STX19: variants seen among roughly 807,000 people sequenced by gnomAD.
The protein encoded by STX19 is syntaxin-19.
Under a neutral mutation model 24.3 loss-of-function variants are expected in STX19, and 26 were observed. The ratio of observed to expected loss-of-function variants is 1.07; its 90% CI spans 0.78 to 1.48. The LOEUF is 1.48. Ranked by LOEUF, STX19 falls within the 40% of genes most tolerant of loss-of-function variation. STX19 has a pLI of 0.00. For missense variants in STX19, 367 were observed against 331.9 expected, an observed-to-expected ratio of 1.11 and a Z score of -0.82; for synonymous variants, 116 against 106.9, an observed-to-expected ratio of 1.09 and a Z score of -0.52.
chr3:94,016,420 G>A (rs2076334480), intron 1 of STX19, among the ~76,000 whole-genome samples: 1 of 151,360 alleles, frequency 6.6e-6, no homozygotes, highest in Non-Finnish European at 1.5e-5. Context: ...TGTGTAGATG[G>A]TGTAAAATTT....
At chr3:94,016,690 C>T (rs573914004) in intron 1 of STX19, among the ~76,000 whole-genome samples, 32 of 151,106 alleles carry the variant, frequency 2.1e-4, no homozygotes, top group African/African-American at 7.3e-4. Flanking sequence ...TCTGATGCCC[C>T]GGCTGGCATG....
Position 94,027,939 on chromosome 3 carries a change from T to G in STX19, c.-14+428A>C, listed in dbSNP as rs142502579. ...ACCATTATAGCAAATTATTTCAGATTTTTAAGGTTATACGTATGTGTCAAA... is the reference window on the plus strand; with the variant it reads ...ACCATTATAGCAAATTATTTCAGATGTTTAAGGTTATACGTATGTGTCAAA... On this transcript the variant is annotated intron_variant, in intron 1 of 1. Coordinates refer to ENST00000315099, the MANE Select transcript of STX19 (RefSeq NM_001001850.3). Among the ~76,000 whole-genome samples the G allele has an allele frequency of 3.3e-5, 5 of 152,252 alleles. No individual in the cohort carries two copies. In the East Asian group the frequency reaches 7.7e-4, roughly 23 times the overall value.
At chr3:94,021,049 A>G (rs1274118571) in intron 1 of STX19, among the ~76,000 whole-genome samples, 2 of 152,160 alleles carry the variant, frequency 1.3e-5, no homozygotes, top group Admixed American at 1.3e-4. Context: ...GAAAAAAATG[A>G]GCTATGAATG....
At position 94,014,968 on chromosome 3, in the gene STX19, T is replaced by G; in HGVS notation, c.302A>C (p.Gln101Pro). ...ESTITKEIKI[Q>P]AEYINRSLND... is the part of the protein sequence containing the mutation. ...CAAACTTCTGTTGATGTATTCTGCCTGAATTTTTATCTCCTTTGTAATGGT... is the reference window on the plus strand; with the variant it reads ...CAAACTTCTGTTGATGTATTCTGCCGGAATTTTTATCTCCTTTGTAATGGT... Residue 101 changes from glutamine to proline, a missense_variant, in exon 2 of 2, where the codon CAG becomes CCG. Transcript: ENST00000315099. 6.2e-7 allele frequency: 1 copy of G among 1,614,044 alleles called. No homozygotes were observed. The highest frequency in any genetic ancestry group is 1.1e-5 in the South Asian group (1 of 91,058).
chr3:94,017,081 C>T (rs574449606), intron 1 of STX19, among the ~76,000 whole-genome samples: 84 of 152,308 alleles, frequency 5.5e-4, no homozygotes, highest in African/African-American at 1.8e-3. Context: ...ACTCAATAAA[C>T]TTCTGAGCAT....
chr3:94,014,393 A>G lies in STX19; in HGVS notation c.877T>C (p.Ser293Pro). 1.3e-6 allele frequency: 2 copies of G among 1,525,318 alleles called. No homozygotes were observed. The highest frequency in any genetic ancestry group is 1.4e-5 in the South Asian group (1 of 73,986). 94.5% of individuals were successfully genotyped at this position (1,525,318 alleles called of 1,614,324 possible). ...LCCWCCPCCS[S>P]K ...GTTTTAAAATAGCTTCTTTATTTTG[A>G]GCTACAGCATGGACAGCACCAACAA... The change falls in exon 2 of 2, where the codon TCA (serine) becomes CCA (proline). Residue 293 changes from serine (S) to proline (P), a missense_variant. By Grantham distance (74) the Ser-to-Pro change is moderately conservative. Coordinates refer to ENST00000315099, the MANE Select transcript of STX19 (RefSeq NM_001001850.3).
At chr3:94,025,052 A>G (rs1426723288) in intron 1 of STX19, among the ~76,000 whole-genome samples, 2 of 152,096 alleles carry the variant, frequency 1.3e-5, no homozygotes, top group Non-Finnish European at 2.9e-5. Context: ...GAGAAGGTGC[A>G]TTTTACTGCC....
At position 94,014,434 on chromosome 3, in the gene STX19, G is replaced by A. The variant is rs767907622; in HGVS notation, c.836C>T (p.Pro279Leu). 1.3e-6 allele frequency: 2 copies of A among 1,590,460 alleles called. No homozygotes were observed. The highest frequency in any genetic ancestry group is 1.4e-5 in the African/African-American group (1 of 73,544). The change falls in exon 2 of 2, where the codon CCT becomes CTT. Residue 279 changes from proline (P) to leucine (L), a missense_variant. Physicochemically the swap from Pro to Leu is moderately conservative, Grantham distance 98. Coordinates refer to ENST00000315099, the MANE Select transcript of STX19 (RefSeq NM_001001850.3). ...GLAVKYKKRN[P>L]CRVLCCWCCP... ...GCACCAACAACACAGTACTCTGCAAGGATTTCTTTTTTTGTATTTTACAGC... is the reference window on the plus strand; with the variant it reads ...GCACCAACAACACAGTACTCTGCAAAGATTTCTTTTTTTGTATTTTACAGC...
At chr3:94,023,450 G>T (rs890357674) in intron 1 of STX19, among the ~76,000 whole-genome samples, 11 of 150,106 alleles carry the variant, frequency 7.3e-5, no homozygotes, top group Non-Finnish European at 1.6e-4. Context: ...ACATATAGTT[G>T]GTCTTTTCAA....
At position 94,028,530 on chromosome 3, in the gene STX19, G is replaced by A. The variant is rs2076603826; in HGVS notation, c.-177C>T. On this transcript the variant is annotated 5_prime_UTR_variant, in exon 1 of 2. Coordinates refer to ENST00000315099, the MANE Select transcript of STX19 (RefSeq NM_001001850.3). ...TAGTTTTCATGTTGTTAATTTGAAA[G>A]CCAAATAATGAAGTCAAATAAGAGA... The A allele has an allele frequency of 6.6e-6, 1 of 152,206 alleles. No homozygotes were observed. Among genetic ancestry groups the A allele is most frequent in the African/African-American group, 2.4e-5 (1 of 41,456 alleles). The allele number at this position is 152,206 out of a possible 1,614,324, so 9.4% of individuals were successfully genotyped here.
Position 94,014,860 on chromosome 3 carries a change from T to C in STX19, c.410A>G (p.His137Arg). The C allele has an allele frequency of 6.2e-7, 1 of 1,614,082 alleles. No individual in the cohort carries two copies. The highest frequency in any genetic ancestry group is 8.5e-7 in the Non-Finnish European group (1 of 1,179,976). The change falls in exon 2 of 2, where the codon CAT (histidine) becomes CGT (arginine). Residue 137 changes from histidine (H) to arginine (R), a missense_variant. His to Arg is a conservative substitution (Grantham distance 29). Transcript: ENST00000315099. ...SVVTRILKSQHAAMFRHFQQI... is the reference protein window; with the variant it reads ...SVVTRILKSQRAAMFRHFQQI... ...CTGAAAATGGCGGAACATTGCAGCA[T>C]GCTGAGATTTAAGTATCCTTGTGAC...
chr3:94,019,667 A>G (rs558360676), intron 1 of STX19, among the ~76,000 whole-genome samples: 9 of 151,508 alleles, frequency 5.9e-5, no homozygotes, highest in Non-Finnish European at 1.2e-4. Context: ...TCCTGTGCCT[A>G]AAATCCTCCT....
chr3:94,021,940 T>C (rs1051335328), intron 1 of STX19, among the ~76,000 whole-genome samples: 8 of 152,134 alleles, frequency 5.3e-5, no homozygotes, highest in Non-Finnish European at 1.0e-4. Flanking sequence ...AGTCAAGTCA[T>C]GTCAAGGCTT....
At chr3:94,019,548 CCTT>C (rs1274479575) in intron 1 of STX19, among the ~76,000 whole-genome samples, 1 of 152,074 alleles carries the variant, frequency 6.6e-6, no homozygotes, top group Non-Finnish European at 1.5e-5. Context: ...TAAGTGTTCT[CCTT>C]GTTTCCTTTT....
At chr3:94,026,058 C>T (rs1185284169) in intron 1 of STX19, among the ~76,000 whole-genome samples, 4 of 147,212 alleles carry the variant, frequency 2.7e-5, no homozygotes, top group South Asian at 2.1e-4. Flanking sequence ...CTCTCTCTGT[C>T]GCCCAGGCTG....
chr3:94,019,500 C>T (rs1402428769), intron 1 of STX19, among the ~76,000 whole-genome samples: 2 of 152,028 alleles, frequency 1.3e-5, no homozygotes, highest in African/African-American at 4.8e-5. Flanking sequence ...TGGTCAAGTC[C>T]CTGTTATTTT....
chr3:94,027,476 T>A (rs1559996077), intron 1 of STX19, among the ~76,000 whole-genome samples: 4 of 152,124 alleles, frequency 2.6e-5, no homozygotes, highest in Admixed American at 2.6e-4. Context: ...TTTGAACTTT[T>A]ATCTGATTCA....
intron 1 of STX19, among the ~76,000 whole-genome samples, chr3:94,024,400 C>G (rs2076513026): frequency 6.6e-6 from 1 of 152,144 alleles, no homozygotes; most frequent in Admixed American, 6.6e-5. Context: ...GATTTTCTAT[C>G]CATAAAAATT....
intron 1 of STX19, among the ~76,000 whole-genome samples, chr3:94,026,776 T>C (rs1267597501): frequency 1.3e-5 from 2 of 152,182 alleles, no homozygotes; most frequent in African/African-American, 4.8e-5. Context: ...ATGAATCATC[T>C]TTTATTATGT....
Sources: allele counts gnomAD v4.1 joint callset (sites outside exome capture counted in the v4.1 genomes callset), GRCh38; gene constraint gnomAD v4.1.1; transcripts MANE v1.5; gene names NCBI Gene and HGNC (gene_info 2026-07-23, HGNC 2026-07-21).